RAB28: variants seen among roughly 807,000 people sequenced by gnomAD.
RAB28 encodes the protein RAB28, member RAS oncogene family.
In RAB28, 24 loss-of-function variants were observed where a neutral mutation model predicts 31.7. The ratio of observed to expected loss-of-function variants is 0.76; its 90% CI spans 0.55 to 1.06. RAB28 has a LOEUF of 1.06. Ranked by LOEUF, RAB28 falls within the 50% of genes least tolerant of loss-of-function variation. The probability of loss-of-function intolerance (pLI) is 0.00; values close to 1 mark genes in which losing one functional copy is unlikely to be tolerated. For synonymous variants in RAB28, 100 were observed against 90.4 expected (o/e 1.11, Z -0.60); for missense variants, 254 against 258.5 (o/e 0.98, Z 0.12).
rs1577141697 is a variant in RAB28 at position 13,367,778 on chromosome 4, T to G, written c.*780A>C. 2.0e-6 allele frequency: 2 copies of G among 985,206 alleles called. No homozygotes were observed. The highest frequency in any genetic ancestry group is 2.4e-6 in the Non-Finnish European group (2 of 829,738). 61.0% of individuals were successfully genotyped at this position (985,206 alleles called of 1,614,324 possible). A position where few individuals can be genotyped will look rare whatever the true frequency, so the allele number is the denominator to read the frequency against. ...AAACATCTGAACATCAGGTACAGTCTGATCCACAATGTCATAACTCATTCT... is the reference window on the plus strand; with the variant it reads ...AAACATCTGAACATCAGGTACAGTCGGATCCACAATGTCATAACTCATTCT... On this transcript the variant is annotated 3_prime_UTR_variant, in exon 7 of 7. Coordinates refer to ENST00000330852, the MANE Select transcript of RAB28 (RefSeq NM_001017979.3).
intron 4 of RAB28, among the ~76,000 whole-genome samples, chr4:13,421,308 A>T (rs1405198792): frequency 6.6e-6 from 1 of 152,212 alleles, no homozygotes; most frequent in Non-Finnish European, 1.5e-5. Context: ...AAGAATCAGT[A>T]TTGTGAAAAT....
chr4:13,378,549 T>C (rs942780979), intron 5 of RAB28, among the ~76,000 whole-genome samples: 2 of 152,196 alleles, frequency 1.3e-5, no homozygotes, highest in Non-Finnish European at 2.9e-5. Context: ...AAGAGTTTTC[T>C]TGTTTTTAAG....
At chr4:13,392,399 A>T (rs1317236721) in intron 4 of RAB28, among the ~76,000 whole-genome samples, 1 of 152,240 alleles carries the variant, frequency 6.6e-6, no homozygotes, top group Non-Finnish European at 1.5e-5. Context: ...TTATTTTACC[A>T]ATCCAGAGAT....
Position 13,411,939 on chromosome 4 carries a change from T to C in RAB28, c.392-30345A>G, listed in dbSNP as rs1312561475. Among the ~76,000 whole-genome samples the C allele has an allele frequency of 4.0e-5, 6 of 151,624 alleles. 1 individual carries two copies. In the South Asian group the frequency reaches 1.2e-3, roughly 32 times the overall value. On this transcript the variant is annotated intron_variant, in intron 4 of 6. Transcript: ENST00000330852. ...ACACAAGGCTTTTATCTATATAAAT[T>C]ATGAGAGACAAAATGATTCTAAAAT... is the stretch of plus-strand genomic sequence containing the variant.
Position 13,479,492 on chromosome 4 carries a change from A to C in RAB28, c.110T>G (p.Phe37Cys). The change falls in exon 2 of 7, where the codon TTT becomes TGT. Residue 37 changes from phenylalanine (F) to cysteine (C), a missense_variant. Transcript: ENST00000330852. ...TATAGTTTGTTTGTACTGTTTCCCA[A>C]AAGTTTCTTGAGCAAAACACGTAGT... ...SLTTCFAQETFGKQYKQTIGL... is the reference protein window; with the variant it reads ...SLTTCFAQETCGKQYKQTIGL... 1.2e-6 allele frequency: 2 copies of C among 1,609,162 alleles called. No homozygotes were observed. Among genetic ancestry groups the C allele is most frequent in the Non-Finnish European group, 1.7e-6 (2 of 1,176,774 alleles).
At chr4:13,432,022 CT>C (rs367690780) in intron 4 of RAB28, among the ~76,000 whole-genome samples, 12 of 152,028 alleles carry the variant, frequency 7.9e-5, no homozygotes, top group African/African-American at 2.9e-4. Context: ...CCAGAGAAAG[CT>C]GAAATCCAAT....
chr4:13,394,367 C>G (rs566973579), intron 4 of RAB28, among the ~76,000 whole-genome samples: 1 of 152,088 alleles, frequency 6.6e-6, no homozygotes, highest in African/African-American at 2.4e-5. Flanking sequence ...AACCTAGATC[C>G]CTTGCATGTG....
At chr4:13,368,880 C>T (rs1728614266) in intron 6 of RAB28, among the ~76,000 whole-genome samples, 1 of 151,414 alleles carries the variant, frequency 6.6e-6, no homozygotes. Context: ...GGTTTTATGA[C>T]ATTAACTTGA....
chr4:13,414,174 C>T (rs970153776), intron 4 of RAB28, among the ~76,000 whole-genome samples: 1 of 152,170 alleles, frequency 6.6e-6, no homozygotes, highest in Non-Finnish European at 1.5e-5. Context: ...CATCTCTGGT[C>T]CCTCCCAGTC....
intron 4 of RAB28, chr4:13,459,960 A>C (rs1715503305): frequency 8.1e-7 from 1 of 1,234,120 alleles, no homozygotes; most frequent in Non-Finnish European, 1.1e-6. Flanking sequence ...GTCAGAACTA[A>C]ACTTACCTTC....
chr4:13,406,397 A>G (rs574510126), intron 4 of RAB28, among the ~76,000 whole-genome samples: 1 of 152,256 alleles, frequency 6.6e-6, no homozygotes, highest in South Asian at 2.1e-4. Context: ...TATCCAGTCT[A>G]CCATTGGTGG....
intron 4 of RAB28, among the ~76,000 whole-genome samples, chr4:13,456,562 T>A (rs73231516): frequency 0.014 from 2,095 of 152,320 alleles, 24 homozygotes; most frequent in Middle Eastern, 0.044. Context: ...TTGTATGATG[T>A]CACACTGCTC....
At chr4:13,453,287 T>C (rs1195886030) in intron 4 of RAB28, among the ~76,000 whole-genome samples, 1 of 152,200 alleles carries the variant, frequency 6.6e-6, no homozygotes, top group Non-Finnish European at 1.5e-5. Context: ...TATTGACAGG[T>C]GAAGACTTAT....
chr4:13,484,284 G>C lies in RAB28; in HGVS notation c.-134C>G. The C allele has an allele frequency of 2.9e-6, 2 of 683,456 alleles. No homozygotes were observed. The highest frequency in any genetic ancestry group is 5.3e-6 in the Non-Finnish European group (2 of 377,268). The allele number at this position is 683,456 out of a possible 1,614,324, so 42.3% of individuals were successfully genotyped here. A position where few individuals can be genotyped will look rare whatever the true frequency, so the allele number is the denominator to read the frequency against. ...CCCCGGTGTCTCCGCGCCGGCAGGA[G>C]GTATTCGAGGAGAATCACTCGGCAA... On this transcript the variant is annotated 5_prime_UTR_variant, in exon 1 of 7. Coordinates refer to ENST00000330852, the MANE Select transcript of RAB28 (RefSeq NM_001017979.3).
chr4:13,415,737 C>CCCAATGA (rs1322448698), intron 4 of RAB28, among the ~76,000 whole-genome samples: 2 of 152,286 alleles, frequency 1.3e-5, no homozygotes, highest in South Asian at 2.1e-4. Flanking sequence ...GGCGCCCGGT[C>CCCAATGA]CCAATGACCA....
At chr4:13,477,856 G>C (rs1410837334) in intron 2 of RAB28, among the ~76,000 whole-genome samples, 1 of 151,268 alleles carries the variant, frequency 6.6e-6, no homozygotes, top group Non-Finnish European at 1.5e-5. Context: ...TGGTAGTGCT[G>C]GGCCACAGGT....
chr4:13,384,912 A>C (rs367658791), intron 4 of RAB28, among the ~76,000 whole-genome samples: 18 of 152,340 alleles, frequency 1.2e-4, no homozygotes, highest in African/African-American at 4.3e-4. Context: ...ATAGAAACGA[A>C]GGTCACTGAG....
Position 13,390,479 on chromosome 4 carries a change from C to T in RAB28, c.392-8885G>A, listed in dbSNP as rs191403171. Reference sequence around the variant, plus strand: ...TAGGAAGAATCAATATCATGAAAAACGGCCATACTGCCCAAGGTAATTTAT... The same window carrying T: ...TAGGAAGAATCAATATCATGAAAAATGGCCATACTGCCCAAGGTAATTTAT... On this transcript the variant is annotated intron_variant, in intron 4 of 6. Transcript: ENST00000330852. Among the ~76,000 whole-genome samples, 720 of 151,986 alleles carry T rather than the reference C, an allele frequency of 4.7e-3. 6 individuals carry two copies. The highest frequency in any genetic ancestry group is 0.016 in the African/African-American group (666 of 41,444).
chr4:13,430,165 TA>T (rs55712919), intron 4 of RAB28, among the ~76,000 whole-genome samples: 1 of 151,928 alleles, frequency 6.6e-6, no homozygotes, highest in African/African-American at 2.4e-5. Context: ...CACATCATAT[TA>T]AAAAAAATTT....
Sources: allele counts gnomAD v4.1 joint callset (sites outside exome capture counted in the v4.1 genomes callset), GRCh38; gene constraint gnomAD v4.1.1; transcripts MANE v1.5; gene names NCBI Gene and HGNC (gene_info 2026-07-23, HGNC 2026-07-21).